The following PARD6B variants were observed in gnomAD, a reference collection of about 807,000 sequenced individuals.
PARD6B encodes partitioning defective 6 homolog beta.
Under a neutral mutation model 10.5 loss-of-function variants are expected in PARD6B, and 4 were observed. That is an observed-to-expected ratio of 0.38 (90% CI 0.19 to 0.87). PARD6B has a LOEUF of 0.87. Ranked by LOEUF, PARD6B falls within the 40% of genes least tolerant of loss-of-function variation. The probability of loss-of-function intolerance (pLI) is 0.41; values close to 1 mark genes in which losing one functional copy is unlikely to be tolerated. For synonymous variants in PARD6B, 169 were observed against 170.4 expected (o/e 0.99, Z 0.07); for missense variants, 396 against 470.6 (o/e 0.84, Z 1.47).
intron 2 of PARD6B, among the ~76,000 whole-genome samples, chr20:50,742,928 TG>T (rs2087538711): frequency 6.6e-6 from 1 of 152,146 alleles, no homozygotes; most frequent in African/African-American, 2.4e-5. Flanking sequence ...ACAAGAAACC[TG>T]GTATCTTAAA....
intron 2 of PARD6B, among the ~76,000 whole-genome samples, chr20:50,748,555 C>T (rs1013521122): frequency 2.6e-5 from 4 of 152,252 alleles, no homozygotes; most frequent in Admixed American, 6.5e-5. Flanking sequence ...AAATTGCAGG[C>T]GTGTTTTTGT....
At position 50,740,098 on chromosome 20, in the gene PARD6B, G is replaced by A. The variant is rs550623486; in HGVS notation, c.289+2019G>A. 1.6e-4 allele frequency among the ~76,000 whole-genome samples: 25 copies of A among 152,316 alleles called. No individual in the cohort carries two copies. In the South Asian group the frequency reaches 5.2e-3, roughly 32 times the overall value. On this transcript the variant is annotated intron_variant, in intron 2 of 2. Transcript: ENST00000371610. Reference sequence around the variant, plus strand: ...AATAATCTTAACCAGTCATTCAGAAGATTAGAAATGGTAGACAAAAGTTCA... The same window carrying A: ...AATAATCTTAACCAGTCATTCAGAAAATTAGAAATGGTAGACAAAAGTTCA...
chr20:50,737,697 C>G (rs2087506967), intron 1 of PARD6B, among the ~76,000 whole-genome samples, 160 bp from the exon 2 acceptor site: 1 of 152,024 alleles, frequency 6.6e-6, no homozygotes, highest in East Asian at 1.9e-4. Context: ...CTTTCTTAGG[C>G]TTTTTAAAAT....
Position 50,751,531 on chromosome 20 carries a change from A to G in PARD6B, c.*1043A>G. 2.4e-6 allele frequency: 2 copies of G among 842,058 alleles called. No homozygotes were observed. The highest frequency in any genetic ancestry group is 2.9e-6 in the Non-Finnish European group (2 of 700,690). 52.2% of individuals were successfully genotyped at this position (842,058 alleles called of 1,614,324 possible). On this transcript the variant is annotated 3_prime_UTR_variant, in exon 3 of 3. Coordinates refer to ENST00000371610, the MANE Select transcript of PARD6B (RefSeq NM_032521.3). Reference sequence around the variant, plus strand: ...CCACCATGCCTGGCTAATTTTTAGTAGAGACGGGGTTTCGCAGTGTTAGCC... The same window carrying G: ...CCACCATGCCTGGCTAATTTTTAGTGGAGACGGGGTTTCGCAGTGTTAGCC...
chr20:50,739,445 T>A (rs909034947), intron 2 of PARD6B, among the ~76,000 whole-genome samples: 6 of 151,962 alleles, frequency 3.9e-5, no homozygotes, highest in African/African-American at 9.7e-5. Flanking sequence ...CTCAAAAAAA[T>A]TTTTTTGAAA....
In PARD6B at chr20:50,750,234, G is replaced by A. The variant is rs755297743; in HGVS notation, c.865G>A (p.Glu289Lys). 19 of 1,614,074 alleles carry A rather than the reference G, an allele frequency of 1.2e-5. No homozygotes were observed. The highest frequency in any genetic ancestry group is 1.4e-5 in the Non-Finnish European group (17 of 1,180,040). Reference protein sequence around the residue: ...QIEPSFEPEDEDSEEDDIIIE... With the variant: ...QIEPSFEPEDKDSEEDDIIIE... ...TGAACCAAGCTTTGAGCCAGAGGAT[G>A]AAGACAGCGAAGAAGATGACATTAT... is the stretch of plus-strand genomic sequence containing the variant. The change falls in exon 3 of 3, where the codon GAA becomes AAA. Residue 289 changes from glutamate (E) to lysine (K), a missense_variant. Around this residue, in one of 2 missense-constraint regions of PARD6B, gnomAD observed 188 missense variants for 169.7 expected, o/e 1.11. Coordinates refer to ENST00000371610, the MANE Select transcript of PARD6B (RefSeq NM_032521.3).
intron 1 of PARD6B, among the ~76,000 whole-genome samples, chr20:50,735,145 C>G (rs879311575): frequency 6.6e-5 from 10 of 151,896 alleles, no homozygotes; most frequent in Non-Finnish European, 1.3e-4. Flanking sequence ...GAGGGAGACT[C>G]TGTCTCAAAA....
intron 1 of PARD6B, among the ~76,000 whole-genome samples, chr20:50,735,589 C>A (rs187783004): frequency 2.0e-5 from 3 of 152,276 alleles, no homozygotes; most frequent in African/African-American, 7.2e-5. Context: ...TTAATTTTGT[C>A]TCTTAGTGTT....
At chr20:50,740,270 G>C (rs2087524123) in intron 2 of PARD6B, among the ~76,000 whole-genome samples, 1 of 152,182 alleles carries the variant, frequency 6.6e-6, no homozygotes, top group African/African-American at 2.4e-5. Flanking sequence ...AAAGGAGGAA[G>C]AATTTAAATA....
At position 50,753,386 on chromosome 20, in the gene PARD6B, A is replaced by G. The variant is rs1349810832; in HGVS notation, c.*2898A>G. Reference sequence around the variant, plus strand: ...TTGGTAGGCTGAATCAATTATTTCAAGTGCACCTTATTAACAAAAGTATCA... The same window carrying G: ...TTGGTAGGCTGAATCAATTATTTCAGGTGCACCTTATTAACAAAAGTATCA... On this transcript the variant is annotated 3_prime_UTR_variant, in exon 3 of 3. Coordinates refer to ENST00000371610, the MANE Select transcript of PARD6B (RefSeq NM_032521.3). 1.0e-6 allele frequency: 1 copy of G among 984,870 alleles called. No homozygotes were observed. The highest frequency in any genetic ancestry group is 1.7e-5 in the African/African-American group (1 of 57,236). 61.0% of individuals were successfully genotyped at this position (984,870 alleles called of 1,614,324 possible).
chr20:50,734,846 T>A (rs186201409), intron 1 of PARD6B, among the ~76,000 whole-genome samples: 1 of 152,128 alleles, frequency 6.6e-6, no homozygotes, highest in South Asian at 2.1e-4. Flanking sequence ...GATCTCTTTT[T>A]CTTCATATAA....
At chr20:50,745,411 CAAAA>C (rs11484143) in intron 2 of PARD6B, among the ~76,000 whole-genome samples, 3 of 117,314 alleles carry the variant, frequency 2.6e-5, no homozygotes, top group Non-Finnish European at 3.7e-5. Flanking sequence ...AACTCCGTCT[CAAAA>C]AAAAAAAAAA....
intron 1 of PARD6B, among the ~76,000 whole-genome samples, chr20:50,732,905 T>TC (rs1555882257): frequency 9.4e-6 from 1 of 105,974 alleles, no homozygotes; most frequent in East Asian, 3.4e-4. Flanking sequence ...TATATCAATT[T>TC]CAAAAAAAAA....
rs2087471740 is a variant in PARD6B, at chr20:50,731,729, C to T, written c.-58C>T. 1 of 1,388,170 alleles carries T rather than the reference C, an allele frequency of 7.2e-7. No individual in the cohort carries two copies. Among genetic ancestry groups the T allele is most frequent in the Admixed American group, 3.3e-5 (1 of 30,026 alleles). The allele number at this position is 1,388,170 out of a possible 1,614,324, so 86.0% of individuals were successfully genotyped here. The stretch of plus-strand genomic sequence containing the variant: ...AGATCCCCAGTCGCGCACTCGCTCC[C>T]CGCGCTCCTGAGGGGCCGCCCGGCC... On this transcript the variant is annotated 5_prime_UTR_variant, in exon 1 of 3. Transcript: ENST00000371610.
intron 2 of PARD6B, among the ~76,000 whole-genome samples, chr20:50,749,076 G>C (rs2087584655): frequency 6.6e-6 from 1 of 152,146 alleles, no homozygotes; most frequent in African/African-American, 2.4e-5. Flanking sequence ...AGGTGCGGTG[G>C]CTCACGCCTA....
Position 50,750,778 on chromosome 20 carries a change from GAGA to G in PARD6B, c.*294_*296del. The stretch of plus-strand genomic sequence containing the variant: ...TTAAAGCACATTCTTGGAACTATGT[GAGA>G]AGACTAGATCATTTCTGTTGGAAGT... On this transcript the variant is annotated 3_prime_UTR_variant, in exon 3 of 3. Coordinates refer to ENST00000371610, the MANE Select transcript of PARD6B (RefSeq NM_032521.3). The G allele has an allele frequency of 1.7e-6, 2 of 1,150,516 alleles. No individual in the cohort carries two copies. The highest frequency in any genetic ancestry group is 2.1e-6 in the Non-Finnish European group (2 of 931,328). The allele number at this position is 1,150,516 out of a possible 1,614,324, so 71.3% of individuals were successfully genotyped here.
chr20:50,738,636 C>A (rs1303926071), intron 2 of PARD6B, among the ~76,000 whole-genome samples: 1 of 152,060 alleles, frequency 6.6e-6, no homozygotes, highest in Non-Finnish European at 1.5e-5. Context: ...TAGTAAGCAC[C>A]CAGTAAATAC....
Position 50,731,860 on chromosome 20 carries a change from G to T in PARD6B, c.66+8G>T. 2 of 1,445,864 alleles carry T rather than the reference G, an allele frequency of 1.4e-6. No homozygotes were observed. Among genetic ancestry groups the T allele is most frequent in the Non-Finnish European group, 1.8e-6 (2 of 1,103,256 alleles). The allele number at this position is 1,445,864 out of a possible 1,614,324, so 89.6% of individuals were successfully genotyped here. On this transcript the variant is annotated splice_region_variant and intron_variant, in intron 1 of 2. Coordinates refer to ENST00000371610, the MANE Select transcript of PARD6B (RefSeq NM_032521.3). The stretch of plus-strand genomic sequence containing the variant: ...ATGGAGGTGAAGAGCAAGGTGCGCG[G>T]GGCCCGGGCTGGGCGGAGCGGCGGG...
intron 2 of PARD6B, among the ~76,000 whole-genome samples, chr20:50,741,663 C>T (rs1177204169): frequency 6.6e-6 from 1 of 151,934 alleles, no homozygotes; most frequent in Non-Finnish European, 1.5e-5. Context: ...CTGCCTCAGC[C>T]TCTGAGTAGC....
Sources: gnomAD v4.1 joint callset for allele counts (sites outside exome capture counted in the v4.1 genomes callset) on GRCh38, gnomAD v4.1.1 for gene constraint, gnomAD v4.1.1 regional missense constraint, MANE v1.5 for transcripts, NCBI Gene and HGNC (gene_info 2026-07-23, HGNC 2026-07-21) for gene names.